Variants in KSR1 observed in about 807,000 individuals in gnomAD.
KSR1 encodes the protein kinase suppressor of ras 1.
Under a neutral mutation model 92.9 loss-of-function variants are expected in KSR1, and 35 were observed. That is an observed-to-expected ratio of 0.38 (90% CI 0.29 to 0.50). The LOEUF (loss-of-function observed/expected upper bound fraction) is 0.50, where lower values mean the gene tolerates loss of function less well. KSR1 is among the 20% of genes least tolerant of loss of function. The pLI is 0.94. For synonymous variants in KSR1, 467 were observed against 472.6 expected (o/e 0.99, Z 0.15); for missense variants, 972 against 1,158.5 (o/e 0.84, Z 2.34).
chr17:27,496,952 T>C (rs2069009251), intron 1 of KSR1, among the ~76,000 whole-genome samples: 1 of 152,188 alleles, frequency 6.6e-6, no homozygotes, highest in African/African-American at 2.4e-5. Flanking sequence ...TTGCACTCAG[T>C]TTTAAAAGCT....
intron 1 of KSR1, among the ~76,000 whole-genome samples, chr17:27,479,694 G>GGAGGTAGGTTCTCCA (rs2150940177): frequency 6.6e-6 from 1 of 152,282 alleles, no homozygotes; most frequent in African/African-American, 2.4e-5. Context: ...TCCAGGGAGT[G>GGAGGTAGGTTCTCCA]GGTAGGTTCT....
chr17:27,575,647 A>G (rs1311007978), intron 2 of KSR1, among the ~76,000 whole-genome samples: 1 of 152,152 alleles, frequency 6.6e-6, no homozygotes, highest in Non-Finnish European at 1.5e-5. Context: ...CCCCTATTCA[A>G]GATGGAATGG....
chr17:27,606,422 C>CA (rs1181995067), intron 14 of KSR1, among the ~76,000 whole-genome samples: 1 of 152,246 alleles, frequency 6.6e-6, no homozygotes, highest in Non-Finnish European at 1.5e-5. Flanking sequence ...TGCATATACT[C>CA]ACGTTTTTAA....
At chr17:27,583,243 C>G (rs1353551367) in intron 4 of KSR1, 138 bp downstream of exon 4, 2 of 636,212 alleles carry the variant, frequency 3.1e-6, no homozygotes, top group Non-Finnish European at 5.3e-6. Context: ...ATCTTTCAGT[C>G]CATTCCTCAG....
intron 1 of KSR1, among the ~76,000 whole-genome samples, chr17:27,472,322 A>G (rs2020058291): frequency 6.6e-6 from 1 of 152,248 alleles, no homozygotes; most frequent in Non-Finnish European, 1.5e-5. Flanking sequence ...GAGTGTACTC[A>G]CATAGCGAGG....
At chr17:27,536,599 T>C (rs2313920) in intron 1 of KSR1, among the ~76,000 whole-genome samples, 142,361 of 152,290 alleles carry the variant, frequency 0.93, 66,648 homozygotes, top group East Asian at 1. Context: ...TCCCGCCCCA[T>C]GCCTGCAAGA....
At chr17:27,553,099 G>A (rs767391788) in intron 2 of KSR1, among the ~76,000 whole-genome samples, 2 of 152,188 alleles carry the variant, frequency 1.3e-5, no homozygotes, top group Non-Finnish European at 2.9e-5. Context: ...CCTGGATTCA[G>A]GCACCTGGCC....
rs2073378089 is a variant in KSR1, at chr17:27,597,306, C to T, written c.1338C>T (p.Ser446=). 1.2e-6 allele frequency: 2 copies of T among 1,605,844 alleles called. No individual in the cohort carries two copies. Among genetic ancestry groups the T allele is most frequent in the East Asian group, 4.5e-5 (2 of 44,534 alleles). Residue 446 remains serine, a synonymous_variant, in exon 10 of 21, where the codon AGC becomes AGT. Transcript: ENST00000644974. ...CCATGAATCACCTGGACTCCAGCAG[C>T]AACCCTTCCTCCACCACCTCCTCCA... is the stretch of plus-strand genomic sequence containing the variant. ...PPAMNHLDSS[S]NPSSTTSSTP...
intron 1 of KSR1, among the ~76,000 whole-genome samples, chr17:27,506,387 C>G (rs1461628637): frequency 6.6e-6 from 1 of 152,216 alleles, no homozygotes; most frequent in Non-Finnish European, 1.5e-5. Context: ...GGTAAACATT[C>G]TAGCTCGATG....
At chr17:27,490,276 T>C (rs1357362027) in intron 1 of KSR1, among the ~76,000 whole-genome samples, 1 of 152,238 alleles carries the variant, frequency 6.6e-6, no homozygotes. Flanking sequence ...GGTGGTTTTG[T>C]TGATACTTAC....
intron 1 of KSR1, among the ~76,000 whole-genome samples, chr17:27,479,481 C>G (rs1437545803): frequency 2.0e-5 from 3 of 152,180 alleles, no homozygotes; most frequent in African/African-American, 7.2e-5. Flanking sequence ...TCCTTTTGTT[C>G]CTTCTGAGGC....
chr17:27,469,886 A>T (rs973150609), intron 1 of KSR1, among the ~76,000 whole-genome samples: 1 of 152,114 alleles, frequency 6.6e-6, no homozygotes, highest in African/African-American at 2.4e-5. Flanking sequence ...AACAATGTGA[A>T]TGGAATCGTC....
intron 1 of KSR1, among the ~76,000 whole-genome samples, chr17:27,545,937 A>C (rs1277188330): frequency 6.6e-6 from 1 of 152,164 alleles, no homozygotes; most frequent in Non-Finnish European, 1.5e-5. Context: ...TATGTTAGGA[A>C]TCACTCCCAG....
At chr17:27,605,240 G>A (rs1386811570) in intron 13 of KSR1, among the ~76,000 whole-genome samples, 194 bp from the exon 14 acceptor site, 1 of 152,266 alleles carries the variant, frequency 6.6e-6, no homozygotes, top group Non-Finnish European at 1.5e-5. Flanking sequence ...GCCACATATT[G>A]TGGATGAGGA....
chr17:27,500,096 T>C (rs2069123778), intron 1 of KSR1, among the ~76,000 whole-genome samples: 1 of 152,182 alleles, frequency 6.6e-6, no homozygotes, highest in Non-Finnish European at 1.5e-5. Flanking sequence ...TAAAGGCACA[T>C]TACTGGAGAC....
chr17:27,510,699 T>C (rs1489118769), intron 1 of KSR1, among the ~76,000 whole-genome samples: 1 of 152,224 alleles, frequency 6.6e-6, no homozygotes, highest in African/African-American at 2.4e-5. Context: ...CTCTTGCTGG[T>C]TCATTTTTCC....
At chr17:27,457,483 C>T (rs1460594254) in intron 1 of KSR1, among the ~76,000 whole-genome samples, 1 of 152,132 alleles carries the variant, frequency 6.6e-6, no homozygotes, top group African/African-American at 2.4e-5. Flanking sequence ...AATAATTACC[C>T]GCTGACTCCC....
At chr17:27,614,359 A>G (rs969382414) in intron 18 of KSR1, among the ~76,000 whole-genome samples, 1 of 152,240 alleles carries the variant, frequency 6.6e-6, no homozygotes, top group African/African-American at 2.4e-5. Flanking sequence ...AAACCAGAGT[A>G]TTATGTATAT....
intron 1 of KSR1, among the ~76,000 whole-genome samples, chr17:27,536,600 G>A (rs1284257445): frequency 1.3e-5 from 2 of 152,124 alleles, no homozygotes; most frequent in South Asian, 2.1e-4. Flanking sequence ...CCCGCCCCAT[G>A]CCTGCAAGAT....
Sources: gnomAD v4.1 joint callset for allele counts (sites outside exome capture counted in the v4.1 genomes callset) on GRCh38, gnomAD v4.1.1 for gene constraint, MANE v1.5 for transcripts, NCBI Gene and HGNC (gene_info 2026-07-23, HGNC 2026-07-21) for gene names.